The following LRPPRC variants were observed in gnomAD, a reference collection of about 807,000 sequenced individuals.
LRPPRC encodes the protein leucine rich pentatricopeptide repeat containing.
LRPPRC carries 120 observed loss-of-function variants against 180.3 expected under a neutral mutation model. The ratio of observed to expected loss-of-function variants is 0.67; its 90% CI spans 0.57 to 0.77. The LOEUF (loss-of-function observed/expected upper bound fraction) is 0.77, where lower values mean the gene tolerates loss of function less well. LRPPRC is among the 30% of genes least tolerant of loss of function. The pLI, the probability that LRPPRC is intolerant of heterozygous loss-of-function variation, is 0.00. For synonymous variants in LRPPRC, 723 were observed against 600.0 expected (o/e 1.21, Z -3.00); for missense variants, 2,012 against 1,657.2 (o/e 1.21, Z -3.72).
At chr2:43,922,623 G>C (rs929643310) in intron 27 of LRPPRC, among the ~76,000 whole-genome samples, 3 of 152,180 alleles carry the variant, frequency 2.0e-5, no homozygotes, top group Non-Finnish European at 4.4e-5. Context: ...GCCAGGTGTG[G>C]TGGCGGGCGC....
At chr2:43,894,672 A>T in intron 35 of LRPPRC, 43 bp from the exon 36 acceptor site, 1 of 935,886 alleles carries the variant, frequency 1.1e-6, no homozygotes, top group Non-Finnish European at 1.8e-6. Flanking sequence ...ACCGCAAATT[A>T]ACAGTGAATT....
chr2:43,973,702 G>C lies in LRPPRC; in HGVS notation c.1274C>G (p.Ala425Gly), dbSNP rs753226886. The change falls in exon 11 of 38, where the codon GCC (alanine) becomes GGC (glycine). Residue 425 changes from alanine (A) to glycine (G), a missense_variant. By Grantham distance (60) the Ala-to-Gly change is moderately conservative (BLOSUM62 0). Transcript: ENST00000260665. ...TTCCTCCTTCACAGCCTTCATTAAG[G>C]CTTTTGCCAAATCTGAAAGAGATAT... ...LLANKTDLAK[A>G]LMKAVKEEGF... 12 of 1,613,002 alleles carry C rather than the reference G, an allele frequency of 7.4e-6. No individual in the cohort carries two copies. The highest frequency in any genetic ancestry group is 1.0e-5 in the Non-Finnish European group (12 of 1,178,980).
At chr2:43,978,582 A>C (rs1268537042) in intron 3 of LRPPRC, among the ~76,000 whole-genome samples, 1 of 151,986 alleles carries the variant, frequency 6.6e-6, no homozygotes, top group African/African-American at 2.4e-5. Flanking sequence ...ATTTTTAGAG[A>C]TTCAATATTT....
intron 13 of LRPPRC, chr2:43,959,049 C>T: frequency 1.8e-6 from 1 of 546,832 alleles, no homozygotes; most frequent in South Asian, 2.8e-5. Context: ...AGGCTGCTGA[C>T]AAAAAGCATC....
intron 30 of LRPPRC, among the ~76,000 whole-genome samples, chr2:43,909,452 G>A (rs962377767): frequency 6.6e-6 from 1 of 152,114 alleles, no homozygotes; most frequent in Admixed American, 6.5e-5. Context: ...GAGGGGAAAT[G>A]AGGAGATAAT....
At chr2:43,993,328 C>G (rs763730591) in intron 1 of LRPPRC, among the ~76,000 whole-genome samples, 11 of 152,022 alleles carry the variant, frequency 7.2e-5, no homozygotes, top group Admixed American at 1.3e-4. Flanking sequence ...TGCAACTGTC[C>G]CTCGAGGCAC....
At chr2:43,905,668 TA>T in intron 31 of LRPPRC, 23 bp downstream of exon 31, 1 of 1,547,920 alleles carries the variant, frequency 6.5e-7, no homozygotes, top group Non-Finnish European at 8.9e-7. Context: ...TAATGTGACG[TA>T]AAGGTCAAGC....
intron 29 of LRPPRC, among the ~76,000 whole-genome samples, chr2:43,913,459 TGTTCA>T (rs139423917): frequency 0.013 from 1,942 of 152,344 alleles, 39 homozygotes; most frequent in African/African-American, 0.045. Context: ...TATTATTTAA[TGTTCA>T]GAAGAACATT....
intron 28 of LRPPRC, 58 bp from the exon 29 acceptor site, chr2:43,918,191 A>G (rs1020241692): frequency 3.8e-6 from 6 of 1,591,218 alleles, no homozygotes; most frequent in Non-Finnish European, 5.2e-6. Context: ...ATATAAAAGT[A>G]GGCTAATCTA....
intron 23 of LRPPRC, among the ~76,000 whole-genome samples, chr2:43,938,981 A>G (rs903006763): frequency 6.6e-6 from 1 of 152,080 alleles, no homozygotes; most frequent in African/African-American, 2.4e-5. Context: ...TTAAACAACA[A>G]AAGAAAGATG....
intron 15 of LRPPRC, 118 bp downstream of exon 15, chr2:43,950,455 A>G: frequency 1.1e-6 from 1 of 892,024 alleles, no homozygotes; most frequent in Admixed American, 1.9e-5. Flanking sequence ...TAACTCTGCC[A>G]GCAAAATTTT....
chr2:43,992,820 T>A (rs1031783562), intron 1 of LRPPRC, among the ~76,000 whole-genome samples: 1 of 152,112 alleles, frequency 6.6e-6, no homozygotes, highest in Non-Finnish European at 1.5e-5. Context: ...GGGGTCCAAT[T>A]TGAGCTGTGT....
At chr2:43,890,409 T>C in intron 36 of LRPPRC, 1 of 463,148 alleles carries the variant, frequency 2.2e-6, no homozygotes, top group Non-Finnish European at 4.5e-6. Context: ...GCTACAATGA[T>C]ACACACACAC....
intron 25 of LRPPRC, among the ~76,000 whole-genome samples, chr2:43,927,490 T>C (rs1468525943): frequency 1.3e-5 from 2 of 152,198 alleles, no homozygotes; most frequent in African/African-American, 2.4e-5. Context: ...ACTATTAATA[T>C]CTACACTCAG....
chr2:43,983,095 T>C (rs906975549), intron 1 of LRPPRC, among the ~76,000 whole-genome samples: 4 of 152,020 alleles, frequency 2.6e-5, no homozygotes, highest in Non-Finnish European at 5.9e-5. Context: ...CCACCAAAAA[T>C]AAATAAAGTG....
At chr2:43,921,115 A>C (rs1671684023) in intron 27 of LRPPRC, among the ~76,000 whole-genome samples, 2 of 152,114 alleles carry the variant, frequency 1.3e-5, no homozygotes, top group African/African-American at 4.8e-5. Flanking sequence ...AACATGGTGA[A>C]ACCCCATCTC....
chr2:43,942,273 C>A (rs1184019227), intron 23 of LRPPRC, among the ~76,000 whole-genome samples: 4 of 151,992 alleles, frequency 2.6e-5, no homozygotes, highest in African/African-American at 9.7e-5. Context: ...GGCACTGGGC[C>A]CATTTCTTTC....
At chr2:43,974,109 T>G (rs1673942422) in intron 9 of LRPPRC, 41 bp downstream of exon 9, 2 of 1,567,072 alleles carry the variant, frequency 1.3e-6, no homozygotes, top group Non-Finnish European at 1.8e-6. Context: ...CTTATTTCAC[T>G]GCCAATTACA....
rs2105084937 is a variant in LRPPRC, at chr2:43,947,276, AAT to A, written c.2058_2059del (p.Leu687SerfsTer13). 6.4e-7 allele frequency: 1 copy of A among 1,573,872 alleles called. No homozygotes were observed. Among genetic ancestry groups the A allele is most frequent in the East Asian group, 2.2e-5 (1 of 44,576 alleles). On this transcript the variant is annotated frameshift_variant, in exon 20 of 38. Transcript: ENST00000260665. LOFTEE classifies it high-confidence loss of function. ...TGTTACCTCTTCTGAACAAAGCACT[AAT>A]ATGAGTTGCTTTAGGACATCTCTTA...
Sources: gnomAD v4.1 joint callset for allele counts (sites outside exome capture counted in the v4.1 genomes callset) on GRCh38, gnomAD v4.1.1 for gene constraint, MANE v1.5 for transcripts, NCBI Gene and HGNC (gene_info 2026-07-23, HGNC 2026-07-21) for gene names.